SYNPO2: variants seen among roughly 807,000 people sequenced by gnomAD.
The protein encoded by SYNPO2 is synaptopodin 2.
Under a neutral mutation model 85.0 loss-of-function variants are expected in SYNPO2, and 56 were observed. The ratio of observed to expected loss-of-function variants is 0.66; its 90% CI spans 0.53 to 0.82. The LOEUF (loss-of-function observed/expected upper bound fraction) is 0.82, where lower values mean the gene tolerates loss of function less well. Among genes scored for constraint, SYNPO2 ranks in the 40% least tolerant of loss-of-function variants. The probability of loss-of-function intolerance (pLI) is 0.00; values close to 1 mark genes in which losing one functional copy is unlikely to be tolerated. For missense variants in SYNPO2, 1,575 were observed against 1,534.2 expected (o/e 1.03, Z -0.44); for synonymous variants, 602 against 591.1 (o/e 1.02, Z -0.27).
chr4:119,018,601 T>C (rs1737603259), intron 1 of SYNPO2, among the ~76,000 whole-genome samples: 1 of 152,130 alleles, frequency 6.6e-6, no homozygotes. Flanking sequence ...CCAGCATTCA[T>C]TATTACCTCT....
chr4:119,051,465 A>G (rs1739047652), intron 4 of SYNPO2, among the ~76,000 whole-genome samples: 1 of 151,854 alleles, frequency 6.6e-6, no homozygotes, highest in Non-Finnish European at 1.5e-5. Context: ...TGCTGGGATT[A>G]CAGGCGTGAG....
intron 1 of SYNPO2, among the ~76,000 whole-genome samples, chr4:119,017,974 A>G (rs1393065240): frequency 6.6e-6 from 1 of 152,212 alleles, no homozygotes; most frequent in Non-Finnish European, 1.5e-5. Context: ...GAACAACACA[A>G]GAGAAAAACG....
chr4:118,865,270 CCT>C (rs1467250657), intron 1 of SYNPO2, among the ~76,000 whole-genome samples: 1 of 152,150 alleles, frequency 6.6e-6, no homozygotes, highest in African/African-American at 2.4e-5. Context: ...GAGCAAGTCT[CCT>C]CTCTCTGTTC....
At chr4:119,052,171 C>G (rs1739072499) in intron 4 of SYNPO2, among the ~76,000 whole-genome samples, 1 of 152,110 alleles carries the variant, frequency 6.6e-6, no homozygotes, top group African/African-American at 2.4e-5. Flanking sequence ...GGCACAGAAC[C>G]AGGACATTTT....
intron 1 of SYNPO2, among the ~76,000 whole-genome samples, chr4:118,945,183 C>T (rs1408146506): frequency 2.0e-5 from 3 of 152,206 alleles, no homozygotes; most frequent in African/African-American, 7.2e-5. Flanking sequence ...GACAATGTTT[C>T]AGAGTCATGT....
chr4:119,033,970 C>G (rs1461907741), intron 4 of SYNPO2: 1 of 985,268 alleles, frequency 1.0e-6, no homozygotes, highest in African/African-American at 1.7e-5. Context: ...GAAAATCTTT[C>G]ATTGCTTTTG....
At chr4:118,856,881 A>T (rs1731516812) in intron 1 of SYNPO2, among the ~76,000 whole-genome samples, 1 of 152,196 alleles carries the variant, frequency 6.6e-6, no homozygotes, top group Non-Finnish European at 1.5e-5. Context: ...CCTTCAATTG[A>T]ATAGAAATAA....
chr4:118,943,140 A>G (rs918462004), intron 1 of SYNPO2, among the ~76,000 whole-genome samples: 1 of 151,852 alleles, frequency 6.6e-6, no homozygotes, highest in Non-Finnish European at 1.5e-5. Flanking sequence ...GTTGAGGTTG[A>G]AAAAAAACTT....
intron 1 of SYNPO2, among the ~76,000 whole-genome samples, chr4:118,882,326 A>C (rs1164454414): frequency 1.3e-5 from 2 of 152,334 alleles, no homozygotes; most frequent in East Asian, 3.9e-4. Flanking sequence ...CTATTGTTTA[A>C]ATTTCATTTT....
intron 1 of SYNPO2, among the ~76,000 whole-genome samples, chr4:118,986,080 G>A (rs1056108979): frequency 1.3e-5 from 2 of 152,094 alleles, no homozygotes; most frequent in Admixed American, 1.3e-4. Context: ...CTTCCCCTCT[G>A]CCAATCCATA....
intron 1 of SYNPO2, among the ~76,000 whole-genome samples, chr4:118,913,301 C>G (rs1026942052): frequency 1.3e-5 from 2 of 152,148 alleles, no homozygotes; most frequent in African/African-American, 4.8e-5. Flanking sequence ...AACATTCAAA[C>G]TAGACCCTGA....
At chr4:118,868,048 T>A (rs6856299) in intron 1 of SYNPO2, among the ~76,000 whole-genome samples, 124,435 of 146,132 alleles carry the variant, frequency 0.85, 52,861 homozygotes, top group Middle Eastern at 0.92. Context: ...TCCTTTCATT[T>A]AAAAAAAAAA....
At chr4:118,866,545 T>G (rs962370321) in intron 1 of SYNPO2, among the ~76,000 whole-genome samples, 2 of 152,196 alleles carry the variant, frequency 1.3e-5, no homozygotes, top group Non-Finnish European at 2.9e-5. Context: ...TTACTAGTAC[T>G]CCTTTGTGGG....
chr4:118,938,048 AT>A (rs1237805155), intron 1 of SYNPO2, among the ~76,000 whole-genome samples: 1 of 152,164 alleles, frequency 6.6e-6, no homozygotes, highest in Non-Finnish European at 1.5e-5. Context: ...CACACCTGTA[AT>A]CCTAGCACTT....
At chr4:118,904,897 A>G (rs1347854657) in intron 1 of SYNPO2, among the ~76,000 whole-genome samples, 1 of 152,212 alleles carries the variant, frequency 6.6e-6, no homozygotes, top group African/African-American at 2.4e-5. Context: ...CATAACTGCT[A>G]TTAGATTGAC....
At chr4:118,863,146 T>C (rs1731640939) in intron 1 of SYNPO2, among the ~76,000 whole-genome samples, 1 of 152,192 alleles carries the variant, frequency 6.6e-6, no homozygotes, top group Admixed American at 6.5e-5. Flanking sequence ...TTTGTCTGGT[T>C]TTGATATCAG....
At chr4:118,884,179 G>A (rs1732160198), upstream of SYNPO2, among the ~76,000 whole-genome samples, 1 of 152,160 alleles carries the variant, frequency 6.6e-6, no homozygotes, top group South Asian at 2.1e-4. Context: ...AAGGTTGCTT[G>A]CTATAAACAT....
intron 4 of SYNPO2, chr4:119,033,886 G>A (rs998662921): frequency 3.0e-6 from 3 of 985,156 alleles, no homozygotes; most frequent in African/African-American, 3.5e-5. Flanking sequence ...TAATCCTTAG[G>A]TATTTCTAAA....
Position 119,035,220 on chromosome 4 carries a change from A to G in SYNPO2, c.3252+3193A>G, listed in dbSNP as rs1578666765. On this transcript the variant is annotated intron_variant, in intron 4 of 4. Transcript: ENST00000307142. ...TCTTTCCACAAGTTTCCCCTTAATC[A>G]TGTGTCAAACCTCTCTTCCTGACGG... 7 of 985,280 alleles carry G rather than the reference A, an allele frequency of 7.1e-6. No individual in the cohort carries two copies. In the South Asian group the frequency reaches 2.8e-4, roughly 40 times the overall value. The allele number at this position is 985,280 out of a possible 1,614,324, so 61.0% of individuals were successfully genotyped here. A position where few individuals can be genotyped will look rare whatever the true frequency, so the allele number is the denominator to read the frequency against.
Sources: allele counts gnomAD v4.1 joint callset (sites outside exome capture counted in the v4.1 genomes callset), GRCh38; gene constraint gnomAD v4.1.1; transcripts MANE v1.5; gene names NCBI Gene and HGNC (gene_info 2026-07-23, HGNC 2026-07-21).